Variants in HMGCL observed in about 807,000 individuals in gnomAD.
The protein encoded by HMGCL is 3-hydroxy-3-methylglutaryl-CoA lyase, also known as hydroxymethylglutaryl-CoA lyase, mitochondrial.
HMGCL carries 26 observed loss-of-function variants against 37.3 expected under a neutral mutation model. That is an observed-to-expected ratio of 0.70 (90% CI 0.51 to 0.97). The LOEUF (loss-of-function observed/expected upper bound fraction) is 0.97. Ranked by LOEUF, HMGCL falls within the 50% of genes least tolerant of loss-of-function variation. The pLI, the probability that HMGCL is intolerant of heterozygous loss-of-function variation, is 0.00. For missense variants in HMGCL, 379 were observed against 398.1 expected, an observed-to-expected ratio of 0.95 and a Z score of 0.41; for synonymous variants, 151 against 148.0, an observed-to-expected ratio of 1.02 and a Z score of -0.15.
intron 1 of HMGCL, 54 bp from the exon 2 acceptor site, chr1:23,820,647 C>T: frequency 8.7e-7 from 1 of 1,151,518 alleles, no homozygotes. Flanking sequence ...CCACAATTCC[C>T]AGGGAGACCA....
intron 1 of HMGCL, among the ~76,000 whole-genome samples, chr1:23,821,518 G>T (rs1437872150): frequency 6.6e-6 from 1 of 152,002 alleles, no homozygotes. Flanking sequence ...AATTAGCCAG[G>T]TGTGGTGGAA....
Position 23,814,314 on chromosome 1 carries a change from C to G in HMGCL, c.373G>C (p.Val125Leu). 1 of 1,613,622 alleles carries G rather than the reference C, an allele frequency of 6.2e-7. No individual in the cohort carries two copies. The highest frequency in any genetic ancestry group is 1.3e-5 in the African/African-American group (1 of 74,964). The change falls in exon 5 of 9, where the codon GTC becomes CTC. Residue 125 changes from valine (V) to leucine (L), a missense_variant. Val to Leu is a conservative substitution (Grantham distance 32). Transcript: ENST00000374490. ...AAVAAGAKEV[V>L]IFGAASELFT... ...AGCTCTGAGGCAGCTCCAAAGATGA[C>G]TACTTCCTTGGCTCCAGCAGCAACC...
At chr1:23,816,205 G>A (rs1464498389) in intron 4 of HMGCL, among the ~76,000 whole-genome samples, 1 of 151,518 alleles carries the variant, frequency 6.6e-6, no homozygotes, top group African/African-American at 2.4e-5. Context: ...GATTATAGGT[G>A]TGAGCCACTG....
At chr1:23,805,818 C>T (rs1638398855) in intron 7 of HMGCL, among the ~76,000 whole-genome samples, 1 of 152,220 alleles carries the variant, frequency 6.6e-6, no homozygotes, top group Non-Finnish European at 1.5e-5. Flanking sequence ...AGAACACGAA[C>T]TGCTGAGATC....
intron 8 of HMGCL, chr1:23,803,634 G>T (rs1316250007): frequency 6.6e-6 from 1 of 152,354 alleles, no homozygotes; most frequent in African/African-American, 2.4e-5. Flanking sequence ...GGCCCTCTAC[G>T]TACGTTTTCT....
At chr1:23,814,979 G>A (rs1337125186) in intron 4 of HMGCL, among the ~76,000 whole-genome samples, 5 of 151,926 alleles carry the variant, frequency 3.3e-5, no homozygotes, top group South Asian at 2.1e-4. Flanking sequence ...AGGCCGAGGC[G>A]GGCAGATCAT....
chr1:23,825,379 C>T lies in HMGCL; in HGVS notation c.37G>A (p.Val13Met). 2 of 1,561,936 alleles carry T rather than the reference C, an allele frequency of 1.3e-6. No individual in the cohort carries two copies. The highest frequency in any genetic ancestry group is 1.7e-6 in the Non-Finnish European group (2 of 1,153,758). ...ACAGCCCGGAGGGACGCCAAGCCCACCAGTCGCCGCGGAAGCGCCTTCCTC... is the reference window on the plus strand; with the variant it reads ...ACAGCCCGGAGGGACGCCAAGCCCATCAGTCGCCGCGGAAGCGCCTTCCTC... The part of the protein sequence containing the change: ...AMRKALPRRL[V>M]GLASLRAVST... Residue 13 changes from valine (V) to methionine (M), a missense_variant, in exon 1 of 9, where the codon GTG becomes ATG. Coordinates refer to ENST00000374490, the MANE Select transcript of HMGCL (RefSeq NM_000191.3).
intron 6 of HMGCL, among the ~76,000 whole-genome samples, 170 bp from the exon 7 acceptor site, chr1:23,808,493 C>A: frequency 6.6e-6 from 1 of 152,206 alleles, no homozygotes; most frequent in Non-Finnish European, 1.5e-5. Context: ...GATCCTCAAT[C>A]TATGATCAGG....
At chr1:23,816,799 C>T (rs778944864) in intron 3 of HMGCL, 29 bp from the exon 4 acceptor site, 7 of 1,314,358 alleles carry the variant, frequency 5.3e-6, no homozygotes, top group East Asian at 2.3e-5. Flanking sequence ...ATTGCCAAGT[C>T]ATCACCAAGA....
chr1:23,805,171 G>C (rs1014891593), intron 7 of HMGCL, among the ~76,000 whole-genome samples: 3 of 152,070 alleles, frequency 2.0e-5, no homozygotes, highest in African/African-American at 7.2e-5. Flanking sequence ...TGCTGCCTGA[G>C]ATGGACCCTG....
intron 2 of HMGCL, among the ~76,000 whole-genome samples, chr1:23,819,664 G>T (rs1160621781): frequency 2.0e-5 from 3 of 152,206 alleles, no homozygotes; most frequent in Non-Finnish European, 4.4e-5. Context: ...GGGAGGAGGA[G>T]GTTGAGGTGA....
At chr1:23,821,032 C>A (rs543489970) in intron 1 of HMGCL, among the ~76,000 whole-genome samples, 1 of 152,314 alleles carries the variant, frequency 6.6e-6, no homozygotes, top group East Asian at 1.9e-4. Context: ...ACTCTGTATG[C>A]TGCTGTATGT....
chr1:23,809,240 T>TATATATATA (rs56844404), intron 6 of HMGCL: 3 of 82,526 alleles, frequency 3.6e-5, no homozygotes, highest in African/African-American at 5.3e-5. Flanking sequence ...ATATATATAT[T>TATATATATA]TTTTTTTTTT....
In HMGCL at chr1:23,810,796, G is replaced by A. The variant is rs200189529; in HGVS notation, c.501C>T (p.Tyr167=). The change falls in exon 6 of 9, where the codon TAC becomes TAT. Residue 167 remains tyrosine, a synonymous_variant. Coordinates refer to ENST00000374490, the MANE Select transcript of HMGCL (RefSeq NM_000191.3). ...AAGGGCAGCCAAGAGCACAGGAGAC[G>A]TACCTGTGGGAAGACAGGGGAGGAA... ...AQSANISVRG[Y]VSCALGCPYE... is the part of the protein sequence containing the mutation. The A allele has an allele frequency of 1.7e-5, 27 of 1,613,026 alleles. No individual in the cohort carries two copies. The highest frequency in any genetic ancestry group is 1.6e-4 in the Middle Eastern group (1 of 6,080).
At chr1:23,819,331 T>A (rs987122713) in intron 2 of HMGCL, among the ~76,000 whole-genome samples, 1 of 152,212 alleles carries the variant, frequency 6.6e-6, no homozygotes, top group African/African-American at 2.4e-5. Context: ...AAAGCTCAGG[T>A]CCAGAATATT....
chr1:23,811,358 T>G (rs995898697), intron 5 of HMGCL, among the ~76,000 whole-genome samples: 3 of 152,210 alleles, frequency 2.0e-5, no homozygotes, highest in Non-Finnish European at 2.9e-5. Context: ...CACAGAGCAG[T>G]GGGCAAGACT....
At position 23,813,472 on chromosome 1, in the gene HMGCL, C is replaced by T. The variant is rs1160519457; in HGVS notation, c.497+718G>A. On this transcript the variant is annotated intron_variant, in intron 5 of 8. Coordinates refer to ENST00000374490, the MANE Select transcript of HMGCL (RefSeq NM_000191.3). ...TAGTAGAGATGGGGTTTCACCATGT[C>T]GGCCAGGCTGGTCTTGAACTCTTGA... 4.0e-5 allele frequency among the ~76,000 whole-genome samples: 6 copies of T among 149,982 alleles called. No individual in the cohort carries two copies. The South Asian group carries it at 6.4e-4, about 16-fold the overall frequency.
intron 8 of HMGCL, among the ~76,000 whole-genome samples, chr1:23,803,367 A>G (rs1297757765): frequency 1.3e-5 from 2 of 152,104 alleles, no homozygotes; most frequent in Non-Finnish European, 2.9e-5. Context: ...ACACCCAGCT[A>G]ATTTTTGTAT....
Position 23,806,002 on chromosome 1 carries a change from C to T in HMGCL, c.751-1477G>A, listed in dbSNP as rs998856719. On this transcript the variant is annotated intron_variant, in intron 7 of 8. Coordinates refer to ENST00000374490, the MANE Select transcript of HMGCL (RefSeq NM_000191.3). The surrounding 1 kb of genome is among the most constrained non-coding windows in gnomAD (Gnocchi z 4.0). ...TGTTGCCTAGGCTGGAGTGCACTGG[C>T]GCCATCTCAGCTCACTGCAAATCAC... 6.6e-6 allele frequency among the ~76,000 whole-genome samples: 1 copy of T among 151,826 alleles called. No homozygotes were observed. The highest frequency in any genetic ancestry group is 2.4e-5 in the African/African-American group (1 of 41,280).
Sources: allele counts gnomAD v4.1 joint callset (sites outside exome capture counted in the v4.1 genomes callset), GRCh38; gene constraint gnomAD v4.1.1; non-coding constraint Gnocchi (gnomAD v3.1); transcripts MANE v1.5; gene names NCBI Gene and HGNC (gene_info 2026-07-23, HGNC 2026-07-21).